TACC2: variants seen among roughly 807,000 people sequenced by gnomAD.
The protein encoded by TACC2 is transforming acidic coiled-coil containing protein 2, also known as transforming acidic coiled-coil-containing protein 2.
In TACC2, 137 loss-of-function variants were observed where a neutral mutation model predicts 227.3. The ratio of observed to expected loss-of-function variants is 0.60; its 90% confidence interval spans 0.52 to 0.69. The LOEUF is 0.69. Among genes scored for constraint, TACC2 ranks in the 30% least tolerant of loss-of-function variants. The probability of loss-of-function intolerance (pLI) is 0.00; values close to 1 mark genes in which losing one functional copy is unlikely to be tolerated. For synonymous variants in TACC2, 1,523 were observed against 1,487.5 expected, an observed-to-expected ratio of 1.02 and a Z score of -0.55; for missense variants, 3,470 against 3,694.4, an observed-to-expected ratio of 0.94 and a Z score of 1.57.
At chr10:122,100,575 C>A (rs1459555388) in intron 5 of TACC2, among the ~76,000 whole-genome samples, 1 of 151,880 alleles carries the variant, frequency 6.6e-6, no homozygotes, top group Non-Finnish European at 1.5e-5. Flanking sequence ...AGGCACGCAC[C>A]ACCACACCTG....
intron 18 of TACC2, 128 bp from the exon 19 acceptor site, chr10:122,241,830 G>A: frequency 1.2e-6 from 1 of 831,494 alleles, no homozygotes; most frequent in Non-Finnish European, 2.1e-6. Context: ...CAGGGCGAGG[G>A]CTGACATTGA....
chr10:122,206,538 C>T (rs2095115302), intron 8 of TACC2, among the ~76,000 whole-genome samples: 1 of 152,196 alleles, frequency 6.6e-6, no homozygotes, highest in Admixed American at 6.5e-5. Context: ...AGAGCGGCCT[C>T]AGGAGAGACA....
intron 1 of TACC2, among the ~76,000 whole-genome samples, chr10:122,011,487 G>A (rs555084773): frequency 8.0e-4 from 121 of 152,126 alleles, no homozygotes; most frequent in African/African-American, 2.7e-3. Context: ...ACGCCACCAC[G>A]CCCAGCTAAT....
At chr10:122,100,486 C>T (rs1271204744) in intron 5 of TACC2, among the ~76,000 whole-genome samples, 11 of 150,646 alleles carry the variant, frequency 7.3e-5, no homozygotes, top group East Asian at 2.0e-4. Context: ...TGCAGTGGCC[C>T]GATCTTAGCT....
At chr10:122,159,582 G>C in intron 7 of TACC2, among the ~76,000 whole-genome samples, 1 of 152,184 alleles carries the variant, frequency 6.6e-6, no homozygotes. Context: ...GGGGCCTCAG[G>C]TGGAGTAACA....
At chr10:122,167,285 C>A (rs929496403) in intron 7 of TACC2, among the ~76,000 whole-genome samples, 3 of 152,144 alleles carry the variant, frequency 2.0e-5, no homozygotes, top group African/African-American at 7.2e-5. Context: ...GTAGAGGGGC[C>A]AGGGTGGATG....
At chr10:122,019,006 A>G (rs1409383971) in intron 1 of TACC2, among the ~76,000 whole-genome samples, 5 of 152,236 alleles carry the variant, frequency 3.3e-5, no homozygotes, top group African/African-American at 1.2e-4. Context: ...CATTTGCCTG[A>G]AAGGCTCTGC....
chr10:122,096,226 TC>T (rs1302240475), intron 5 of TACC2, among the ~76,000 whole-genome samples: 2 of 152,144 alleles, frequency 1.3e-5, no homozygotes, highest in South Asian at 4.2e-4. Flanking sequence ...CAAGGAGGCC[TC>T]CCATTGCACC....
chr10:122,237,364 G>GTT (rs111577265), intron 16 of TACC2, 31 bp from the exon 17 acceptor site: 24 of 1,383,892 alleles, frequency 1.7e-5, no homozygotes, highest in South Asian at 2.7e-5. Flanking sequence ...AATGCTAACT[G>GTT]TTTTTTTTTT....
At chr10:122,204,312 C>T (rs544608966) in intron 8 of TACC2, among the ~76,000 whole-genome samples, 32 of 152,318 alleles carry the variant, frequency 2.1e-4, no homozygotes, top group Admixed American at 2.0e-4. Flanking sequence ...AGGTCACAGC[C>T]GGTGTTATTT....
Position 122,080,211 on chromosome 10 carries a change from C to CT in TACC2, c.147-2423dup, listed in dbSNP as rs111618289. Among the ~76,000 whole-genome samples the CT allele has an allele frequency of 1.6e-4, 18 of 113,204 alleles. 1 individual carries two copies. Among genetic ancestry groups the CT allele is most frequent in the African/African-American group, 6.4e-4 (16 of 25,172 alleles). 74.3% of individuals were successfully genotyped at this position (113,204 alleles called of 152,430 possible). A position where few individuals can be genotyped will look rare whatever the true frequency, so the allele number is the denominator to read the frequency against. On this transcript the variant is annotated intron_variant, in intron 3 of 22. Coordinates refer to ENST00000369005, the MANE Select transcript of TACC2 (RefSeq NM_206862.4). ...TGCATTCCTGGTGTCTCTTCCTTTC[C>CT]TTTTTTTTTTTTTGTTTTTTTTTTG...
chr10:122,050,657 C>A lies in TACC2; in HGVS notation c.146+107C>A. 2 of 806,580 alleles carry A rather than the reference C, an allele frequency of 2.5e-6. No individual in the cohort carries two copies. The highest frequency in any genetic ancestry group is 4.1e-6 in the Non-Finnish European group (2 of 489,950). The allele number at this position is 806,580 out of a possible 1,614,324, so 50.0% of individuals were successfully genotyped here. A position where few individuals can be genotyped will look rare whatever the true frequency, so the allele number is the denominator to read the frequency against. On this transcript the variant is annotated intron_variant, in intron 3 of 22. Transcript: ENST00000369005. This position sits in a 1 kb window ranked among gnomAD's most constrained non-coding sequence, Gnocchi z 4.6. ...TTGCTTTGGAAACTGGACCCTTAGA[C>A]ACATGGTATCGTCCTCAGTGGTGAG...
chr10:122,178,203 G>C (rs968471107), intron 7 of TACC2, among the ~76,000 whole-genome samples: 1 of 151,092 alleles, frequency 6.6e-6, no homozygotes, highest in African/African-American at 2.4e-5. Flanking sequence ...AGGGGTCTCT[G>C]TACGGCCTCT....
intron 15 of TACC2, among the ~76,000 whole-genome samples, chr10:122,229,835 G>A (rs754258330): frequency 2.0e-5 from 3 of 152,184 alleles, no homozygotes; most frequent in Admixed American, 6.5e-5. Flanking sequence ...TTATATATAC[G>A]TGGCTATCTC....
At chr10:122,127,684 T>TA (rs1375535314) in intron 5 of TACC2, among the ~76,000 whole-genome samples, 1 of 152,174 alleles carries the variant, frequency 6.6e-6, no homozygotes, top group Non-Finnish European at 1.5e-5. Flanking sequence ...TATAGCCTCT[T>TA]ACAGTTGTTC....
intron 7 of TACC2, chr10:122,163,680 A>ACTCGGGCGCGCGCCGGCCACC: frequency 9.4e-7 from 1 of 1,064,786 alleles, no homozygotes; most frequent in Non-Finnish European, 1.1e-6. Context: ...CGCCGGCCAC[A>ACTCGGGCGCGCGCCGGCCACC]CTCGGGCGCG....
At position 122,002,330 on chromosome 10, in the gene TACC2, C is replaced by T. The variant is rs368106600; in HGVS notation, c.-46+12842C>T. On this transcript the variant is annotated intron_variant, in intron 1 of 22. Coordinates refer to ENST00000369005, the MANE Select transcript of TACC2 (RefSeq NM_206862.4). ...AGGGGGTATAACATTCAGTCTATAG[C>T]AGTATGGTATATTATTTTCTGTATA... Among the ~76,000 whole-genome samples, 124 of 152,118 alleles carry T rather than the reference C, an allele frequency of 8.2e-4. 1 individual carries two copies. Among genetic ancestry groups the T allele is most frequent in the Middle Eastern group, 3.4e-3 (1 of 294 alleles).
intron 7 of TACC2, among the ~76,000 whole-genome samples, chr10:122,151,645 G>A (rs1248264086): frequency 1.3e-5 from 2 of 151,100 alleles, no homozygotes; most frequent in East Asian, 3.9e-4. Context: ...AATTTAGTTT[G>A]GGGAAATATC....
rs1365556953 is a variant in TACC2, at chr10:122,180,892, C to T, written c.5835-14148C>T. On this transcript the variant is annotated intron_variant, in intron 7 of 22. Transcript: ENST00000369005. The surrounding 1 kb of genome is among the most constrained non-coding windows in gnomAD (Gnocchi z 4.5). ...TGCCTCAGCTGGGATTACAGGCACG[C>T]GCCCCCATGTCCACCTAATTTTTAT... Among the ~76,000 whole-genome samples, 7 of 152,092 alleles carry T rather than the reference C, an allele frequency of 4.6e-5. No individual in the cohort carries two copies. The highest frequency in any genetic ancestry group is 7.4e-5 in the Non-Finnish European group (5 of 68,006).
Sources: allele counts gnomAD v4.1 joint callset (sites outside exome capture counted in the v4.1 genomes callset), GRCh38; gene constraint gnomAD v4.1.1; non-coding constraint Gnocchi (gnomAD v3.1); transcripts MANE v1.5; gene names NCBI Gene and HGNC (gene_info 2026-07-23, HGNC 2026-07-21).